HDGF: variants seen among roughly 807,000 people sequenced by gnomAD.
HDGF encodes the protein heparin binding growth factor.
Under a neutral mutation model 30.0 loss-of-function variants are expected in HDGF, and 5 were observed. The ratio of observed to expected loss-of-function variants is 0.17; its 90% CI spans 0.09 to 0.35. The LOEUF (loss-of-function observed/expected upper bound fraction) is 0.35. Ranked by LOEUF, HDGF falls within the 10% of genes least tolerant of loss-of-function variation. HDGF has a pLI of 1.00. For missense variants in HDGF, 214 were observed against 302.8 expected, an observed-to-expected ratio of 0.71 and a Z score of 2.18; for synonymous variants, 133 against 112.7, an observed-to-expected ratio of 1.18 and a Z score of -1.14.
intron 1 of HDGF, among the ~76,000 whole-genome samples, chr1:156,764,644 T>G (rs1651319385): frequency 6.6e-6 from 1 of 152,158 alleles, no homozygotes; most frequent in Non-Finnish European, 1.5e-5. Flanking sequence ...AATCATTAAT[T>G]TTCACAGTAA....
chr1:156,747,062 TC>T (rs1021592311), intron 1 of HDGF, among the ~76,000 whole-genome samples: 1 of 150,910 alleles, frequency 6.6e-6, no homozygotes, highest in East Asian at 2.0e-4. Flanking sequence ...GTCCAGCCCT[TC>T]CCCCCCAGGA....
chr1:156,744,054 G>T, intron 4 of HDGF, 109 bp downstream of exon 4: 1 of 1,206,028 alleles, frequency 8.3e-7, no homozygotes, highest in Non-Finnish European at 1.2e-6. Context: ...AAGACTAGGG[G>T]CTGGATCGAC....
At chr1:156,758,602 A>AAAAG (rs1474751376) in intron 2 of HDGF, among the ~76,000 whole-genome samples, 1 of 4,238 alleles carries the variant, frequency 2.4e-4, no homozygotes, top group African/African-American at 3.3e-4. Flanking sequence ...CAAAAAAAAA[A>AAAAG]ATAAATAAAT....
rs1468654460 is a variant in HDGF, at chr1:156,743,262, A to G, written c.*187T>C. ...AGGAGTATGGGGACCTAGAGGTGAG[A>G]GCCAGGTGGCCTGCCCCATCCAGGT... On this transcript the variant is annotated 3_prime_UTR_variant, in exon 6 of 6. Coordinates refer to ENST00000357325, the MANE Select transcript of HDGF (RefSeq NM_004494.3). The G allele has an allele frequency of 6.9e-6, 4 of 582,860 alleles. No homozygotes were observed. The highest frequency in any genetic ancestry group is 1.2e-5 in the Non-Finnish European group (4 of 330,270). 36.1% of individuals were successfully genotyped at this position (582,860 alleles called of 1,614,324 possible). A position where few individuals can be genotyped will look rare whatever the true frequency, so the allele number is the denominator to read the frequency against.
At chr1:156,763,038 T>C (rs1651278107) in intron 1 of HDGF, among the ~76,000 whole-genome samples, 1 of 152,222 alleles carries the variant, frequency 6.6e-6, no homozygotes. Context: ...ATGGTGCATC[T>C]CTTTTCCACC....
At chr1:156,765,797 G>A (rs1485787370) in intron 1 of HDGF, among the ~76,000 whole-genome samples, 1 of 152,082 alleles carries the variant, frequency 6.6e-6, no homozygotes, top group African/African-American at 2.4e-5. Flanking sequence ...TTCAAAGGAG[G>A]AAAGTGAGAC....
At chr1:156,767,026 C>T (rs1465428081), upstream of HDGF, 1 of 152,362 alleles carries the variant, frequency 6.6e-6, no homozygotes, top group South Asian at 2.1e-4. Flanking sequence ...CCCTTGGGCC[C>T]TTGCTCTTTT....
At chr1:156,756,907 C>T (rs1269885320), upstream of HDGF, among the ~76,000 whole-genome samples, 1 of 151,384 alleles carries the variant, frequency 6.6e-6, no homozygotes, top group East Asian at 2.0e-4. Flanking sequence ...ATTCTCCCAC[C>T]ACGGCCTCCT....
chr1:156,759,231 A>G (rs1651203026), intron 1 of HDGF: 1 of 152,184 alleles, frequency 6.6e-6, no homozygotes, highest in East Asian at 1.9e-4. Context: ...TTTAGGAGGT[A>G]AAAGGAGTGA....
chr1:156,746,784 C>A (rs1342676680), intron 1 of HDGF, among the ~76,000 whole-genome samples: 1 of 152,180 alleles, frequency 6.6e-6, no homozygotes, highest in Non-Finnish European at 1.5e-5. Context: ...GGCTTCCCGC[C>A]GGACAGAGGC....
At position 156,744,062 on chromosome 1, in the gene HDGF, G is replaced by A. The variant is rs992153677; in HGVS notation, c.489+101C>T. 12 of 1,266,364 alleles carry A rather than the reference G, an allele frequency of 9.5e-6. 1 individual carries two copies. Among genetic ancestry groups the A allele is most frequent in the South Asian group, 4.8e-5 (4 of 82,588 alleles). The allele number at this position is 1,266,364 out of a possible 1,614,324, so 78.4% of individuals were successfully genotyped here. On this transcript the variant is annotated intron_variant, in intron 4 of 5. Transcript: ENST00000357325. ...ACTCCCCAAGACTAGGGGCTGGATCGACCTCTCAGACTGGGCACCCCTGAG... is the reference window on the plus strand; with the variant it reads ...ACTCCCCAAGACTAGGGGCTGGATCAACCTCTCAGACTGGGCACCCCTGAG...
At chr1:156,757,151 G>C (rs1651167085), upstream of HDGF, among the ~76,000 whole-genome samples, 1 of 151,704 alleles carries the variant, frequency 6.6e-6, no homozygotes, top group African/African-American at 2.4e-5. Context: ...GTCTCTACTG[G>C]CCAACACATG....
Position 156,743,744 on chromosome 1 carries a change from C to T in HDGF, c.624G>A (p.Arg208=), listed in dbSNP as rs1218314759. The change falls in exon 5 of 6, where the codon CGG becomes CGA. Residue 208 remains arginine, a synonymous_variant. Coordinates refer to ENST00000357325, the MANE Select transcript of HDGF (RefSeq NM_004494.3). The part of the protein sequence containing the change: ...NSTPSEPGSG[R]GPPQEEEEEE... ...CCTCTTCTTCCTCTTGGGGAGGCCC[C>T]CGGCCAGAGCCGGGCTCAGAGGGGG... 3 of 1,599,518 alleles carry T rather than the reference C, an allele frequency of 1.9e-6. No homozygotes were observed. The highest frequency in any genetic ancestry group is 2.6e-6 in the Non-Finnish European group (3 of 1,173,136).
chr1:156,752,646 G>A (rs1056578238), upstream of HDGF, among the ~76,000 whole-genome samples: 23 of 152,200 alleles, frequency 1.5e-4, no homozygotes, highest in African/African-American at 5.5e-4. Context: ...TAGGTTATAT[G>A]CTAAGAAGTG....
intron 1 of HDGF, among the ~76,000 whole-genome samples, chr1:156,762,009 A>G (rs1269149923): frequency 6.6e-6 from 1 of 151,304 alleles, no homozygotes; most frequent in South Asian, 2.1e-4. Flanking sequence ...CGTGGTGGCA[A>G]TGTGCCTGTA....
At chr1:156,747,536 C>G (rs1300134705) in intron 1 of HDGF, 1 of 151,752 alleles carries the variant, frequency 6.6e-6, no homozygotes, top group African/African-American at 2.4e-5. Context: ...AAAAACAAAA[C>G]GAGCGCCCCC....
upstream of HDGF, among the ~76,000 whole-genome samples, chr1:156,756,392 G>A (rs528925335): frequency 2.6e-4 from 40 of 152,176 alleles, 1 homozygote; most frequent in Non-Finnish European, 5.3e-4. Context: ...GGATTCCTTC[G>A]CAGTAAGCTT....
upstream of HDGF, among the ~76,000 whole-genome samples, chr1:156,754,069 C>T (rs549995298): frequency 6.6e-6 from 1 of 151,970 alleles, no homozygotes; most frequent in Non-Finnish European, 1.5e-5. Flanking sequence ...GCACGCGTCA[C>T]CACGCCAGGC....
rs11556973 is a variant in HDGF, at chr1:156,743,442, T to A, written c.*7A>T. The A allele has an allele frequency of 6.6e-7, 1 of 1,514,400 alleles. No homozygotes were observed. Among genetic ancestry groups the A allele is most frequent in the African/African-American group, 1.4e-5 (1 of 70,918 alleles). 93.8% of individuals were successfully genotyped at this position (1,514,400 alleles called of 1,614,324 possible). A position where few individuals can be genotyped will look rare whatever the true frequency, so the allele number is the denominator to read the frequency against. ...CAGGGTGGGGGCTCCTCTTGAAACA[T>A]TGGTGGCTACAGGCTGTGAGGGAGG... On this transcript the variant is annotated 3_prime_UTR_variant, in exon 6 of 6. Transcript: ENST00000357325.
Sources: gnomAD v4.1 joint callset for allele counts (sites outside exome capture counted in the v4.1 genomes callset) on GRCh38, gnomAD v4.1.1 for gene constraint, MANE v1.5 for transcripts, NCBI Gene and HGNC (gene_info 2026-07-23, HGNC 2026-07-21) for gene names.